NKAIN3: variants seen among roughly 807,000 people sequenced by gnomAD.
NKAIN3 encodes the protein sodium/potassium transporting ATPase interacting 3, also known as sodium/potassium-transporting ATPase subunit beta-1-interacting protein 3.
Under a neutral mutation model 30.2 loss-of-function variants are expected in NKAIN3, and 25 were observed. The ratio of observed to expected loss-of-function variants is 0.83; its 90% confidence interval spans 0.60 to 1.16. NKAIN3 has a LOEUF of 1.16. NKAIN3 is among the 50% of genes most tolerant of loss of function. NKAIN3 has a pLI of 0.00. For missense variants in NKAIN3, 225 were observed against 254.1 expected (o/e 0.89, Z 0.78); for synonymous variants, 91 against 89.6 (o/e 1.02, Z -0.09).
chr8:62,643,985 C>T (rs1812385792), intron 3 of NKAIN3, among the ~76,000 whole-genome samples: 2 of 152,020 alleles, frequency 1.3e-5, no homozygotes, highest in Non-Finnish European at 2.9e-5. Context: ...TAAAGGACAC[C>T]CATGCTCTCT....
intron 4 of NKAIN3, among the ~76,000 whole-genome samples, chr8:62,891,766 G>A (rs1304720617): frequency 2.0e-5 from 3 of 152,168 alleles, no homozygotes; most frequent in African/African-American, 7.2e-5. Flanking sequence ...ACAAGATATA[G>A]TTTCAGCCTT....
chr8:62,481,073 T>A (rs13281544), intron 1 of NKAIN3, among the ~76,000 whole-genome samples: 12,684 of 152,210 alleles, frequency 0.083, 717 homozygotes, highest in Middle Eastern at 0.13. Context: ...TAATCATCAT[T>A]TCATTGTCAT....
intron 4 of NKAIN3, among the ~76,000 whole-genome samples, chr8:62,880,481 G>A (rs1365875124): frequency 6.6e-6 from 1 of 152,210 alleles, no homozygotes; most frequent in Non-Finnish European, 1.5e-5. Context: ...TTAGCATGAA[G>A]TGAAGGGGCT....
chr8:62,664,928 G>A (rs1813053939), intron 3 of NKAIN3, among the ~76,000 whole-genome samples: 1 of 152,076 alleles, frequency 6.6e-6, no homozygotes, highest in Non-Finnish European at 1.5e-5. Flanking sequence ...ATGAGCTTAC[G>A]CTGACGACAT....
intron 4 of NKAIN3, among the ~76,000 whole-genome samples, chr8:62,852,421 T>G (rs1390009752): frequency 1.3e-5 from 2 of 152,172 alleles, no homozygotes; most frequent in African/African-American, 4.8e-5. Context: ...GATTCATTGA[T>G]TTTTTGAAGG....
intron 4 of NKAIN3, among the ~76,000 whole-genome samples, chr8:62,774,467 C>G (rs948316091): frequency 1.3e-5 from 2 of 152,142 alleles, no homozygotes; most frequent in African/African-American, 4.8e-5. Context: ...TGAAAGTGAG[C>G]ATCCTTGTCA....
chr8:62,290,443 T>A (rs59873564), intron 1 of NKAIN3, among the ~76,000 whole-genome samples: 215 of 152,350 alleles, frequency 1.4e-3, no homozygotes, highest in African/African-American at 4.9e-3. Flanking sequence ...TTGGTAGTTT[T>A]TAGCATGAAG....
At chr8:62,636,578 T>G (rs1226080540) in intron 3 of NKAIN3, among the ~76,000 whole-genome samples, 1 of 152,210 alleles carries the variant, frequency 6.6e-6, no homozygotes, top group African/African-American at 2.4e-5. Context: ...CCCATGGCAA[T>G]GCCAAGGCAA....
Position 62,376,516 on chromosome 8 carries a change from A to G in NKAIN3, c.54+127389A>G, listed in dbSNP as rs546976581. 3.9e-3 allele frequency among the ~76,000 whole-genome samples: 598 copies of G among 152,320 alleles called. 4 individuals are homozygous for G. Among genetic ancestry groups the G allele is most frequent in the African/African-American group, 0.014 (582 of 41,580 alleles). On this transcript the variant is annotated intron_variant, in intron 1 of 6. Coordinates refer to ENST00000623646, the MANE Select transcript of NKAIN3 (RefSeq NM_001304533.3). ...CAGTTTTTCTGTGATAGGGACTCCC[A>G]GGTGAGTCCTTCTTCTTAGTCTACA...
At chr8:62,732,198 T>C (rs949708831) in intron 3 of NKAIN3, among the ~76,000 whole-genome samples, 3 of 152,140 alleles carry the variant, frequency 2.0e-5, no homozygotes, top group Non-Finnish European at 4.4e-5. Context: ...CTGCCCCCAA[T>C]AGATGTCATT....
intron 4 of NKAIN3, among the ~76,000 whole-genome samples, chr8:62,808,847 C>T (rs897835445): frequency 1.3e-5 from 2 of 152,028 alleles, no homozygotes; most frequent in African/African-American, 2.4e-5. Flanking sequence ...TCAGGAGACA[C>T]GGTTTGAGAG....
intron 1 of NKAIN3, among the ~76,000 whole-genome samples, chr8:62,334,861 T>C (rs1052810705): frequency 6.6e-6 from 1 of 151,996 alleles, no homozygotes; most frequent in Non-Finnish European, 1.5e-5. Flanking sequence ...TCTCCCTGTG[T>C]GCTCAGGACC....
At chr8:62,806,069 G>C (rs1196373581) in intron 4 of NKAIN3, among the ~76,000 whole-genome samples, 3 of 152,168 alleles carry the variant, frequency 2.0e-5, no homozygotes, top group African/African-American at 7.2e-5. Context: ...ACCATCACTG[G>C]CCATCAGAGA....
chr8:62,676,924 G>A (rs1424628888), intron 3 of NKAIN3, among the ~76,000 whole-genome samples: 1 of 151,754 alleles, frequency 6.6e-6, no homozygotes, highest in Non-Finnish European at 1.5e-5. Flanking sequence ...TTGTCATATT[G>A]CCCAGGCTGG....
chr8:62,567,236 G>A (rs1293012227), intron 1 of NKAIN3, among the ~76,000 whole-genome samples: 1 of 152,092 alleles, frequency 6.6e-6, no homozygotes, highest in East Asian at 1.9e-4. Context: ...CATTAGCTCA[G>A]ATGTGGTTTT....
At chr8:62,497,346 A>G (rs1011033266) in intron 1 of NKAIN3, among the ~76,000 whole-genome samples, 28 of 152,210 alleles carry the variant, frequency 1.8e-4, no homozygotes, top group African/African-American at 6.7e-4. Context: ...TAGGATATAT[A>G]CTGTCTTATC....
intron 1 of NKAIN3, among the ~76,000 whole-genome samples, chr8:62,528,309 A>ATG (rs201777855): frequency 0.096 from 11,558 of 120,416 alleles, 665 homozygotes; most frequent in East Asian, 0.2. Flanking sequence ...ATTATATTAT[A>ATG]TATATATATT....
At chr8:62,895,799 C>A (rs1310781929) in intron 4 of NKAIN3, among the ~76,000 whole-genome samples, 2 of 152,100 alleles carry the variant, frequency 1.3e-5, no homozygotes, top group African/African-American at 2.4e-5. Context: ...CCCACTCCCT[C>A]TCTGCAAAAC....
At chr8:62,254,118 C>T (rs1812193672) in intron 1 of NKAIN3, among the ~76,000 whole-genome samples, 3 of 148,856 alleles carry the variant, frequency 2.0e-5, no homozygotes, top group African/African-American at 5.0e-5. Context: ...AGGGTTACAT[C>T]GTGAGTAACA....
Sources: allele counts gnomAD v4.1 joint callset (sites outside exome capture counted in the v4.1 genomes callset), GRCh38; gene constraint gnomAD v4.1.1; transcripts MANE v1.5; gene names NCBI Gene and HGNC (gene_info 2026-07-23, HGNC 2026-07-21).